ZFP14: variants seen among roughly 807,000 people sequenced by gnomAD.
ZFP14 encodes zinc finger protein 14 homolog.
Under a neutral mutation model 54.5 loss-of-function variants are expected in ZFP14, and 22 were observed. The ratio of observed to expected loss-of-function variants is 0.40; its 90% CI spans 0.29 to 0.58. The LOEUF (loss-of-function observed/expected upper bound fraction) is 0.58, where lower values mean the gene tolerates loss of function less well. Ranked by LOEUF, ZFP14 falls within the 20% of genes least tolerant of loss-of-function variation. ZFP14 has a pLI of 0.39. For missense variants in ZFP14, 470 were observed against 637.8 expected (o/e 0.74, Z 2.83); for synonymous variants, 159 against 204.0 (o/e 0.78, Z 1.88).
Position 36,341,445 on chromosome 19 carries a change from GC to G in ZFP14, c.380del (p.Ser127ThrfsTer17). ...GTTGTTCCTTTTCCCCCTCAATCTT[GC>G]TTTTGCATTCCCAATCATTCCTAAA... ...SIFRNDWECK[S>X]KIEGEKEQQE... On this transcript the variant is annotated frameshift_variant, in exon 5 of 5. Transcript: ENST00000270001. LOFTEE classifies it high-confidence loss of function. This position sits in a 1 kb window ranked among gnomAD's most constrained non-coding sequence, Gnocchi z 4.2. The G allele has an allele frequency of 1.2e-6, 2 of 1,613,874 alleles. No homozygotes were observed. The highest frequency in any genetic ancestry group is 1.7e-6 in the Non-Finnish European group (2 of 1,180,006).
chr19:36,375,920 T>G (rs1210140845), intron 1 of ZFP14, among the ~76,000 whole-genome samples: 1 of 151,862 alleles, frequency 6.6e-6, no homozygotes, highest in Non-Finnish European at 1.5e-5. Flanking sequence ...CTTAAACTCC[T>G]GACCTCGGGT....
At chr19:36,364,873 C>T (rs1197839310) in intron 2 of ZFP14, among the ~76,000 whole-genome samples, 1 of 152,044 alleles carries the variant, frequency 6.6e-6, no homozygotes, top group African/African-American at 2.4e-5. Context: ...CATCAGTAAT[C>T]CATTCCTGAA....
At chr19:36,375,790 C>G (rs1452031474) in intron 1 of ZFP14, among the ~76,000 whole-genome samples, 2 of 152,196 alleles carry the variant, frequency 1.3e-5, no homozygotes, top group African/African-American at 4.8e-5. Flanking sequence ...ATCTCCTGAC[C>G]TCGTGATCTG....
At chr19:36,352,315 G>C (rs1170640068) in intron 4 of ZFP14, among the ~76,000 whole-genome samples, 1 of 143,292 alleles carries the variant, frequency 7.0e-6, no homozygotes, top group Non-Finnish European at 1.5e-5. Context: ...AAAAATAAAT[G>C]TATGTATAAT....
chr19:36,342,409 A>T (rs950507175), intron 4 of ZFP14, among the ~76,000 whole-genome samples: 8 of 143,254 alleles, frequency 5.6e-5, no homozygotes, highest in Non-Finnish European at 1.2e-4. Context: ...CTGGTCTCGA[A>T]CTCCTGACCT....
intron 1 of ZFP14, among the ~76,000 whole-genome samples, chr19:36,372,911 G>A (rs559803014): frequency 2.6e-4 from 39 of 152,250 alleles, no homozygotes; most frequent in African/African-American, 9.1e-4. Context: ...CTGGAAGGAC[G>A]TTATGTTAAG....
intron 1 of ZFP14, among the ~76,000 whole-genome samples, chr19:36,369,982 G>T (rs895141589): frequency 5.3e-5 from 8 of 152,060 alleles, no homozygotes; most frequent in Admixed American, 2.0e-4. Flanking sequence ...CTATAGTTGG[G>T]CACCACCATG....
intron 3 of ZFP14, among the ~76,000 whole-genome samples, chr19:36,361,708 T>C (rs1436063653): frequency 2.0e-5 from 3 of 152,226 alleles, no homozygotes; most frequent in Admixed American, 6.5e-5. Context: ...CTATGAGTTT[T>C]AAATAACCTT....
At position 36,340,304 on chromosome 19, in the gene ZFP14, A is replaced by C; in HGVS notation, c.1522T>G (p.Tyr508Asp). The change falls in exon 5 of 5, where the codon TAC (tyrosine) becomes GAC (aspartate). Residue 508 changes from tyrosine (Y) to aspartate (D), a missense_variant. Coordinates refer to ENST00000270001, the MANE Select transcript of ZFP14 (RefSeq NM_020917.3). The surrounding 1 kb of genome is among the most constrained non-coding windows in gnomAD (Gnocchi z 5.4). ...HQRIHTGEKP[Y>D]KCKECKKAFR... ...GCCTTCTTACACTCCTTACACTTGT[A>C]GGGCTTCTCACCAGTATGAATTCTC... 6.2e-7 allele frequency: 1 copy of C among 1,614,106 alleles called. No homozygotes were observed. Among genetic ancestry groups the C allele is most frequent in the Non-Finnish European group, 8.5e-7 (1 of 1,180,004 alleles).
chr19:36,366,953 A>C (rs1325022418), intron 2 of ZFP14, among the ~76,000 whole-genome samples: 21 of 152,144 alleles, frequency 1.4e-4, no homozygotes, highest in Admixed American at 1.4e-3. Flanking sequence ...GAGGAGTTCA[A>C]GACAATCCTG....
chr19:36,350,816 T>TA (rs1187514484), intron 4 of ZFP14, among the ~76,000 whole-genome samples: 1 of 142,224 alleles, frequency 7.0e-6, no homozygotes, highest in Non-Finnish European at 1.6e-5. Flanking sequence ...CTGAAGGAGT[T>TA]ACAATATAAG....
At chr19:36,374,358 C>T (rs2031926967) in intron 1 of ZFP14, among the ~76,000 whole-genome samples, 1 of 151,850 alleles carries the variant, frequency 6.6e-6, no homozygotes, top group South Asian at 2.1e-4. Flanking sequence ...GGCATGATGG[C>T]AGGTGCCTGT....
intron 4 of ZFP14, among the ~76,000 whole-genome samples, chr19:36,358,508 G>A (rs1411407374): frequency 1.3e-5 from 2 of 152,196 alleles, no homozygotes; most frequent in East Asian, 3.9e-4. Flanking sequence ...GACTTTCTAT[G>A]TACACAATCA....
rs1212713825 is a variant in ZFP14, at chr19:36,335,417, C to T, written c.*4807G>A. The T allele has an allele frequency of 6.6e-6, 1 of 152,104 alleles. No individual in the cohort carries two copies. The highest frequency in any genetic ancestry group is 1.5e-5 in the Non-Finnish European group (1 of 68,020). The allele number at this position is 152,104 out of a possible 1,614,324, so 9.4% of individuals were successfully genotyped here. ...TTAGAATTGTGAAAAATAGAATCTT[C>T]ATAATGAAGGTGGTCTAGAATTTGC... On this transcript the variant is annotated 3_prime_UTR_variant, in exon 5 of 5. Transcript: ENST00000270001.
At chr19:36,342,279 C>G (rs1045764382) in intron 4 of ZFP14, among the ~76,000 whole-genome samples, 2 of 144,598 alleles carry the variant, frequency 1.4e-5, no homozygotes, top group Admixed American at 7.3e-5. Context: ...CTCCTGGGTT[C>G]AAGCAATTCT....
intron 1 of ZFP14, among the ~76,000 whole-genome samples, chr19:36,368,990 C>T (rs1373720831): frequency 3.9e-5 from 6 of 152,274 alleles, no homozygotes; most frequent in Non-Finnish European, 4.4e-5. Flanking sequence ...CATGCCACCA[C>T]GCCCAGCTAA....
In ZFP14 at chr19:36,367,881, T is replaced by C; in HGVS notation, c.9+3A>G. Reference sequence around the variant, plus strand: ...CGAAAAGGACAGAGAAACATTAACTTACATGGGCCATGGTTTTAGAACTGC... The same window carrying C: ...CGAAAAGGACAGAGAAACATTAACTCACATGGGCCATGGTTTTAGAACTGC... On this transcript the variant is annotated splice_donor_region_variant and intron_variant, in intron 2 of 4. Coordinates refer to ENST00000270001, the MANE Select transcript of ZFP14 (RefSeq NM_020917.3). 1 of 1,612,344 alleles carries C rather than the reference T, an allele frequency of 6.2e-7. No homozygotes were observed. The highest frequency in any genetic ancestry group is 8.5e-7 in the Non-Finnish European group (1 of 1,179,026).
chr19:36,359,823 T>C (rs1022412533), intron 4 of ZFP14, among the ~76,000 whole-genome samples: 2 of 152,080 alleles, frequency 1.3e-5, no homozygotes, highest in African/African-American at 4.8e-5. Context: ...CCCAGCTAAT[T>C]TTCGTATTTT....
intron 1 of ZFP14, among the ~76,000 whole-genome samples, chr19:36,372,091 G>A (rs2031888445): frequency 6.7e-6 from 1 of 149,748 alleles, no homozygotes. Flanking sequence ...GAGGTAGGGA[G>A]GAAAGGAGGA....
Sources: gnomAD v4.1 joint callset for allele counts (sites outside exome capture counted in the v4.1 genomes callset) on GRCh38, gnomAD v4.1.1 for gene constraint, Gnocchi (gnomAD v3.1) non-coding constraint, MANE v1.5 for transcripts, NCBI Gene and HGNC (gene_info 2026-07-23, HGNC 2026-07-21) for gene names.